CAND1: variants seen among roughly 807,000 people sequenced by gnomAD.
The protein encoded by CAND1 is cullin associated and neddylation dissociated 1.
Under a neutral mutation model 108.5 loss-of-function variants are expected in CAND1, and 7 were observed. The ratio of observed to expected loss-of-function variants is 0.06; its 90% CI spans 0.04 to 0.12. The LOEUF (loss-of-function observed/expected upper bound fraction) is 0.12. Among genes scored for constraint, CAND1 ranks in the 10% least tolerant of loss-of-function variants. The pLI, the probability that CAND1 is intolerant of heterozygous loss-of-function variation, is 1.00. For synonymous variants in CAND1, 534 were observed against 512.0 expected, an observed-to-expected ratio of 1.04 and a Z score of -0.58; for missense variants, 941 against 1,448.7, an observed-to-expected ratio of 0.65 and a Z score of 5.69.
rs1009240712 is a variant in CAND1 at position 67,316,655 on chromosome 12, T to C, written c.*3825T>C. ...TTTGTTTTGGAATCTTAATACCCTG[T>C]CCTCTTCATAACTTTCTAGTGGTGA... On this transcript the variant is annotated 3_prime_UTR_variant, in exon 15 of 15. Transcript: ENST00000545606. The C allele has an allele frequency of 2.6e-5, 4 of 152,220 alleles. No individual in the cohort carries two copies. The highest frequency in any genetic ancestry group is 9.7e-5 in the African/African-American group (4 of 41,446). 9.4% of individuals were successfully genotyped at this position (152,220 alleles called of 1,614,324 possible).
Position 67,318,711 on chromosome 12 carries a change from G to T in CAND1, c.*5881G>T, listed in dbSNP as rs2045032345. On this transcript the variant is annotated 3_prime_UTR_variant, in exon 15 of 15. Coordinates refer to ENST00000545606, the MANE Select transcript of CAND1 (RefSeq NM_018448.5). Reference sequence around the variant, plus strand: ...AGCCAATTTATTACGCGCTTAGGGTGCTGCCAGGGCTACAAAAGCTGTTGA... The same window carrying T: ...AGCCAATTTATTACGCGCTTAGGGTTCTGCCAGGGCTACAAAAGCTGTTGA... The T allele has an allele frequency of 6.6e-6, 1 of 152,168 alleles. No individual in the cohort carries two copies. Among genetic ancestry groups the T allele is most frequent in the East Asian group, 1.9e-4 (1 of 5,194 alleles). 9.4% of individuals were successfully genotyped at this position (152,168 alleles called of 1,614,324 possible).
At position 67,318,601 on chromosome 12, in the gene CAND1, C is replaced by G. The variant is rs1040670078; in HGVS notation, c.*5771C>G. 1 of 152,198 alleles carries G rather than the reference C, an allele frequency of 6.6e-6. No individual in the cohort carries two copies. Among genetic ancestry groups the G allele is most frequent in the Non-Finnish European group, 1.5e-5 (1 of 68,034 alleles). 9.4% of individuals were successfully genotyped at this position (152,198 alleles called of 1,614,324 possible). ...TCCTAAATATCTCTCATGCTTTTGGCTTAAGACCTCTTTTCCTCCTTATCT... is the reference window on the plus strand; with the variant it reads ...TCCTAAATATCTCTCATGCTTTTGGGTTAAGACCTCTTTTCCTCCTTATCT... On this transcript the variant is annotated 3_prime_UTR_variant, in exon 15 of 15. Coordinates refer to ENST00000545606, the MANE Select transcript of CAND1 (RefSeq NM_018448.5).
intron 1 of CAND1, among the ~76,000 whole-genome samples, chr12:67,279,781 C>T (rs1201286845): frequency 3.3e-5 from 5 of 152,022 alleles, no homozygotes; most frequent in Admixed American, 6.6e-5. Context: ...GAATTTGTGC[C>T]GGTAGAACCA....
chr12:67,306,200 A>G lies in CAND1; in HGVS notation c.2532A>G (p.Glu844=). 6.2e-7 allele frequency: 1 copy of G among 1,614,156 alleles called. No homozygotes were observed. ...IRLLALLSLG[E]VGHHIDLSGQ... ...TCTTAGCTCTACTTTCTCTTGGAGA[A>G]GTTGGGCATCATATTGACTTAAGTG... is the stretch of plus-strand genomic sequence containing the variant. The change falls in exon 10 of 15, where the codon GAA becomes GAG. Residue 844 remains glutamate (E), a synonymous_variant. Coordinates refer to ENST00000545606, the MANE Select transcript of CAND1 (RefSeq NM_018448.5).
intron 1 of CAND1, chr12:67,270,542 G>A (rs2044510761): frequency 6.6e-6 from 1 of 152,140 alleles, no homozygotes; most frequent in South Asian, 2.1e-4. Flanking sequence ...ATAGCAGACG[G>A]ATCTTCAAAA....
At chr12:67,270,725 C>G (rs2044512942) in intron 1 of CAND1, 2 of 147,860 alleles carry the variant, frequency 1.4e-5, no homozygotes, top group African/African-American at 5.0e-5. Context: ...GTGATTGTTG[C>G]ATTCTTTCCC....
At chr12:67,283,846 C>A (rs2044643125) in intron 2 of CAND1, among the ~76,000 whole-genome samples, 1 of 152,060 alleles carries the variant, frequency 6.6e-6, no homozygotes, top group South Asian at 2.1e-4. Context: ...AGTTTCTTGA[C>A]CTTTTGTTGA....
rs1163845115 is a variant in CAND1 at position 67,298,989 on chromosome 12, A to G, written c.894A>G (p.Ile298Met). The G allele has an allele frequency of 7.2e-6, 11 of 1,534,802 alleles. No individual in the cohort carries two copies. Among genetic ancestry groups the G allele is most frequent in the Non-Finnish European group, 9.9e-6 (11 of 1,110,086 alleles). The change falls in exon 7 of 15, where the codon ATA becomes ATG. Residue 298 changes from isoleucine (I) to methionine (M), a missense_variant. Ile to Met is a conservative substitution (Grantham distance 10). Around this residue, in one of 9 missense-constraint regions of CAND1, gnomAD observed 697 missense variants for 942.0 expected, o/e 0.74. Coordinates refer to ENST00000545606, the MANE Select transcript of CAND1 (RefSeq NM_018448.5). ...KEVYPHVSTI[I>M]NICLKYLTYD... is the part of the protein sequence containing the mutation. ...TATATCCTCATGTTTCTACCATTAT[A>G]AATATTTGTCTTAAATATCTTACCT...
intron 1 of CAND1, among the ~76,000 whole-genome samples, chr12:67,279,357 T>C (rs936453416): frequency 6.6e-6 from 1 of 152,126 alleles, no homozygotes; most frequent in Non-Finnish European, 1.5e-5. Context: ...AAAGAGTAAA[T>C]GCTGAAGAGA....
intron 2 of CAND1, among the ~76,000 whole-genome samples, chr12:67,284,751 T>A (rs989096010): frequency 2.0e-5 from 3 of 150,870 alleles, no homozygotes. Flanking sequence ...CATGCACACA[T>A]ACACACACAC....
At chr12:67,290,673 C>T (rs2044714160) in intron 2 of CAND1, among the ~76,000 whole-genome samples, 1 of 152,088 alleles carries the variant, frequency 6.6e-6, no homozygotes, top group Non-Finnish European at 1.5e-5. Context: ...CTTAGTTCAT[C>T]AACCAGATGG....
intron 4 of CAND1, 53 bp from the exon 5 acceptor site, chr12:67,297,354 C>T (rs1033181325): frequency 3.0e-5 from 46 of 1,539,854 alleles, no homozygotes; most frequent in Non-Finnish European, 2.7e-6. Context: ...TAGTAGTGGC[C>T]AGGCATCTTG....
chr12:67,306,367 C>G lies in CAND1; in HGVS notation c.2699C>G (p.Thr900Ser), dbSNP rs1309660903. The G allele has an allele frequency of 1.2e-6, 2 of 1,613,960 alleles. No individual in the cohort carries two copies. The highest frequency in any genetic ancestry group is 2.2e-5 in the East Asian group (1 of 44,892). ...EYLPFVLQEI[T>S]SQPKRQYLLL... is the part of the protein sequence containing the mutation. ...CTGCCGTTTGTCCTGCAAGAAATAACTAGTCAACCCAAAAGGCAGTATCTT... is the reference window on the plus strand; with the variant it reads ...CTGCCGTTTGTCCTGCAAGAAATAAGTAGTCAACCCAAAAGGCAGTATCTT... The change falls in exon 10 of 15, where the codon ACT becomes AGT. Residue 900 changes from threonine (T) to serine (S), a missense_variant. Around this residue, in one of 9 missense-constraint regions of CAND1, gnomAD observed 697 missense variants for 942.0 expected, o/e 0.74. Transcript: ENST00000545606.
Position 67,304,712 on chromosome 12 carries a change from G to A in CAND1, c.1401G>A (p.Gly467=). The change falls in exon 9 of 15, where the codon GGG becomes GGA. Residue 467 remains glycine, a synonymous_variant. Transcript: ENST00000545606. ...MLTELVNVLP[G]ALTQHIPVLV... is the part of the protein sequence containing the mutation. ...CTGAGCTGGTAAATGTATTACCTGG[G>A]GCCCTAACTCAACACATTCCTGTAC... is the stretch of plus-strand genomic sequence containing the variant. 1.2e-6 allele frequency: 2 copies of A among 1,613,818 alleles called. No individual in the cohort carries two copies. The highest frequency in any genetic ancestry group is 1.7e-6 in the Non-Finnish European group (2 of 1,179,882).
At chr12:67,274,907 G>T (rs1183448056) in intron 1 of CAND1, among the ~76,000 whole-genome samples, 1 of 152,158 alleles carries the variant, frequency 6.6e-6, no homozygotes, top group Non-Finnish European at 1.5e-5. Context: ...AGTACAGTGT[G>T]GGTGGGCATT....
intron 2 of CAND1, among the ~76,000 whole-genome samples, chr12:67,287,579 T>G (rs1283220538): frequency 1.3e-5 from 2 of 152,150 alleles, no homozygotes; most frequent in East Asian, 3.8e-4. Context: ...CAATCCTAAT[T>G]TTGGTGATTT....
intron 2 of CAND1, among the ~76,000 whole-genome samples, chr12:67,286,520 A>G (rs1041405103): frequency 6.7e-6 from 1 of 149,034 alleles, no homozygotes; most frequent in African/African-American, 2.5e-5. Context: ...TATTTCCCTG[A>G]TAACTAATGA....
At position 67,310,019 on chromosome 12, in the gene CAND1, T is replaced by C. The variant is rs2044932499; in HGVS notation, c.3144T>C (p.Val1048=). ...TAATAAGGGATCTATTGGATACTGT[T>C]CTTCCACATCTTTACAATGAAACAA... ...PSLIRDLLDT[V]LPHLYNETKV... is the part of the protein sequence containing the mutation. Residue 1048 remains valine, a synonymous_variant, in exon 12 of 15, where the codon GTT becomes GTC. Coordinates refer to ENST00000545606, the MANE Select transcript of CAND1 (RefSeq NM_018448.5). 6.2e-7 allele frequency: 1 copy of C among 1,612,480 alleles called. No homozygotes were observed. Among genetic ancestry groups the C allele is most frequent in the East Asian group, 2.2e-5 (1 of 44,806 alleles).
chr12:67,289,365 T>C (rs2044701428), intron 2 of CAND1, among the ~76,000 whole-genome samples: 1 of 63,104 alleles, frequency 1.6e-5, no homozygotes, highest in Non-Finnish European at 3.1e-5. Context: ...ATTACAGGCA[T>C]GTACCATGTC....
Sources: gnomAD v4.1 joint callset for allele counts (sites outside exome capture counted in the v4.1 genomes callset) on GRCh38, gnomAD v4.1.1 for gene constraint, gnomAD v4.1.1 regional missense constraint, MANE v1.5 for transcripts, NCBI Gene and HGNC (gene_info 2026-07-23, HGNC 2026-07-21) for gene names.